LYRM4: variants seen among roughly 807,000 people sequenced by gnomAD.
The protein encoded by LYRM4 is LYR motif containing 4, also known as LYR motif-containing protein 4.
A neutral mutation model predicts 11.7 loss-of-function variants in LYRM4; 9 were observed. That is an observed-to-expected ratio of 0.77 (90% CI 0.46 to 1.34). The LOEUF (loss-of-function observed/expected upper bound fraction) is 1.34. LYRM4 is among the 40% of genes most tolerant of loss of function. The probability of loss-of-function intolerance (pLI) is 0.00; values close to 1 mark genes in which losing one functional copy is unlikely to be tolerated. For synonymous variants in LYRM4, 42 were observed against 40.4 expected, an observed-to-expected ratio of 1.04 and a Z score of -0.15; for missense variants, 133 against 112.5, an observed-to-expected ratio of 1.18 and a Z score of -0.82.
At chr6:5,252,479 C>T (rs143830676) in intron 1 of LYRM4, among the ~76,000 whole-genome samples, 17 of 152,302 alleles carry the variant, frequency 1.1e-4, no homozygotes, top group East Asian at 7.7e-4. Flanking sequence ...TTCTGACACA[C>T]GCCTTGCATT....
chr6:5,162,423 CG>C (rs1212031235), intron 2 of LYRM4, among the ~76,000 whole-genome samples: 1 of 152,044 alleles, frequency 6.6e-6, no homozygotes. Context: ...TACTGACCCT[CG>C]ACAGTGAGCC....
intron 2 of LYRM4, among the ~76,000 whole-genome samples, chr6:5,189,413 G>C (rs1008952145): frequency 6.6e-6 from 1 of 151,032 alleles, no homozygotes; most frequent in African/African-American, 2.4e-5. Flanking sequence ...AAGGTTAGTG[G>C]TGAGCCTAAG....
At chr6:5,201,342 C>T (rs1192129973) in intron 2 of LYRM4, among the ~76,000 whole-genome samples, 1 of 152,172 alleles carries the variant, frequency 6.6e-6, no homozygotes, top group Non-Finnish European at 1.5e-5. Context: ...AATGCTCTTC[C>T]CTGTCTAGCC....
intron 2 of LYRM4, among the ~76,000 whole-genome samples, chr6:5,182,758 T>G (rs927013918): frequency 2.0e-5 from 3 of 152,220 alleles, no homozygotes; most frequent in Admixed American, 2.0e-4. Flanking sequence ...AGGACAGTAA[T>G]CAGTGTGGCC....
At chr6:5,213,366 G>A (rs1328553401) in intron 2 of LYRM4, among the ~76,000 whole-genome samples, 1 of 152,200 alleles carries the variant, frequency 6.6e-6, no homozygotes. Context: ...TGACTCACGT[G>A]ACTGAAGAAG....
intron 2 of LYRM4, among the ~76,000 whole-genome samples, chr6:5,166,968 C>G (rs577092204): frequency 6.6e-6 from 1 of 152,286 alleles, no homozygotes; most frequent in African/African-American, 2.4e-5. Context: ...CATCCTCCTG[C>G]CTCAGCCTCC....
At position 5,195,802 on chromosome 6, in the gene LYRM4, CCTTT is replaced by C. The variant is rs773084648; in HGVS notation, c.207+20812_207+20815del. Among the ~76,000 whole-genome samples, 6 of 152,246 alleles carry C rather than the reference CCTTT, an allele frequency of 3.9e-5. No homozygotes were observed. The East Asian group carries it at 7.7e-4, about 20-fold the overall frequency. ...ATTCACCTGAGGCACATAGCAATTC[CCTTT>C]CTAACACAGATTGTAAGCTGCATGA... On this transcript the variant is annotated intron_variant, in intron 2 of 2. Coordinates refer to ENST00000330636, the MANE Select transcript of LYRM4 (RefSeq NM_020408.6).
At chr6:5,109,586 G>T in intron 2 of LYRM4, 95 bp from the exon 3 acceptor site, 2 of 1,316,296 alleles carry the variant, frequency 1.5e-6, no homozygotes, top group Non-Finnish European at 2.2e-6. Flanking sequence ...TAATACAAAC[G>T]TCGGCCATCC....
intron 1 of LYRM4, among the ~76,000 whole-genome samples, chr6:5,252,997 C>T (rs143977143): frequency 1.3e-5 from 2 of 152,318 alleles, no homozygotes; most frequent in African/African-American, 4.8e-5. Context: ...TTTAAGGTGG[C>T]ACTTAGGAGA....
At chr6:5,165,313 C>G (rs527529076) in intron 2 of LYRM4, among the ~76,000 whole-genome samples, 2 of 152,288 alleles carry the variant, frequency 1.3e-5, no homozygotes, top group Admixed American at 1.3e-4. Flanking sequence ...TTTCAAAGAA[C>G]TGTAATGCAA....
intron 2 of LYRM4, among the ~76,000 whole-genome samples, chr6:5,184,906 A>C (rs748032767): frequency 2.6e-5 from 4 of 152,158 alleles, no homozygotes; most frequent in Non-Finnish European, 5.9e-5. Context: ...TTACACTTGG[A>C]AGGGCCCCTT....
intron 2 of LYRM4, among the ~76,000 whole-genome samples, chr6:5,170,032 T>A (rs538408749): frequency 6.6e-6 from 1 of 152,174 alleles, no homozygotes; most frequent in Non-Finnish European, 1.5e-5. Context: ...GTGTCAGGGA[T>A]TTGGTAATGG....
At chr6:5,065,674 G>A in the LYRM4 span, 3 of 153,948 alleles carry the variant, frequency 1.9e-5, no homozygotes, top group Non-Finnish European at 2.9e-5. Flanking sequence ...AATGATCTAC[G>A]TGTCATGTGC....
downstream of LYRM4, chr6:5,108,128 G>A (rs1381601219): frequency 6.6e-6 from 1 of 152,254 alleles, no homozygotes; most frequent in Non-Finnish European, 1.5e-5. Flanking sequence ...TGGAAGACAT[G>A]AGTTCTCATA....
At chr6:5,230,702 A>C (rs1763185618) in intron 1 of LYRM4, among the ~76,000 whole-genome samples, 1 of 152,226 alleles carries the variant, frequency 6.6e-6, no homozygotes, top group African/African-American at 2.4e-5. Context: ...TGGTCATTAG[A>C]TGTCTTCCTT....
At chr6:5,102,354 G>A (rs9504328), downstream of LYRM4, among the ~76,000 whole-genome samples, 1,832 of 152,300 alleles carry the variant, frequency 0.012, 30 homozygotes, top group South Asian at 0.088. Context: ...CATACATCCT[G>A]TATGTGCTGT....
At chr6:5,109,704 C>A (rs555409575) in intron 2 of LYRM4, among the ~76,000 whole-genome samples, 1 of 152,166 alleles carries the variant, frequency 6.6e-6, no homozygotes, top group Non-Finnish European at 1.5e-5. Flanking sequence ...TCCACACACC[C>A]ATTCCTCCCC....
chr6:5,138,804 T>C, intron 2 of LYRM4: 1 of 1,281,886 alleles, frequency 7.8e-7, no homozygotes, highest in East Asian at 2.5e-5. Flanking sequence ...AAGAGTTCTT[T>C]GGGATTTCAA....
At chr6:5,239,794 G>A (rs146883786) in intron 1 of LYRM4, among the ~76,000 whole-genome samples, 1 of 152,136 alleles carries the variant, frequency 6.6e-6, no homozygotes, top group Non-Finnish European at 1.5e-5. Context: ...GGCCACATTG[G>A]TCTTTTCCCA....
Sources: allele counts gnomAD v4.1 joint callset (sites outside exome capture counted in the v4.1 genomes callset), GRCh38; gene constraint gnomAD v4.1.1; transcripts MANE v1.5; gene names NCBI Gene and HGNC (gene_info 2026-07-23, HGNC 2026-07-21).